ZMAT4: variants seen among roughly 807,000 people sequenced by gnomAD.
The protein encoded by ZMAT4 is zinc finger matrin-type 4.
Under a neutral mutation model 28.7 loss-of-function variants are expected in ZMAT4, and 17 were observed. The observed-to-expected ratio is 0.59, with a 90% CI of 0.41 to 0.89. The LOEUF (loss-of-function observed/expected upper bound fraction) is 0.89. Among genes scored for constraint, ZMAT4 ranks in the 40% least tolerant of loss-of-function variants. The probability of loss-of-function intolerance (pLI) is 0.00; values close to 1 mark genes in which losing one functional copy is unlikely to be tolerated. For synonymous variants in ZMAT4, 117 were observed against 109.2 expected, an observed-to-expected ratio of 1.07 and a Z score of -0.44; for missense variants, 240 against 283.8, an observed-to-expected ratio of 0.85 and a Z score of 1.11.
chr8:40,599,109 A>G (rs937862664), intron 5 of ZMAT4, among the ~76,000 whole-genome samples: 2 of 152,204 alleles, frequency 1.3e-5, no homozygotes, highest in African/African-American at 2.4e-5. Flanking sequence ...ATCTTAAGGT[A>G]CTACACATTC....
chr8:40,887,794 A>G (rs1818516754), intron 1 of ZMAT4, among the ~76,000 whole-genome samples: 1 of 152,104 alleles, frequency 6.6e-6, no homozygotes, highest in Non-Finnish European at 1.5e-5. Flanking sequence ...TCTCACAGCC[A>G]TGTTATTGCA....
At chr8:40,794,522 G>C (rs1814501373) in intron 2 of ZMAT4, among the ~76,000 whole-genome samples, 1 of 152,214 alleles carries the variant, frequency 6.6e-6, no homozygotes, top group Non-Finnish European at 1.5e-5. Flanking sequence ...TTCCGGGGGA[G>C]TTTACTTGGG....
chr8:40,882,054 C>T (rs79170587), intron 1 of ZMAT4, among the ~76,000 whole-genome samples: 4,110 of 152,196 alleles, frequency 0.027, 88 homozygotes, highest in Middle Eastern at 0.037. Flanking sequence ...GGAGGGAGGG[C>T]ATTTCTTTCC....
chr8:40,702,705 TGAG>T (rs1176523276), intron 3 of ZMAT4, among the ~76,000 whole-genome samples: 1 of 152,114 alleles, frequency 6.6e-6, no homozygotes, highest in African/African-American at 2.4e-5. Flanking sequence ...AATGGCAGAG[TGAG>T]GAGTTCGGTG....
intron 1 of ZMAT4, among the ~76,000 whole-genome samples, chr8:40,862,301 T>A (rs1288320170): frequency 1.3e-5 from 2 of 150,786 alleles, no homozygotes; most frequent in East Asian, 4.0e-4. Context: ...ACCATCATTC[T>A]CAGCAAATTA....
chr8:40,695,165 C>T (rs1038563514), intron 4 of ZMAT4, among the ~76,000 whole-genome samples: 1 of 152,216 alleles, frequency 6.6e-6, no homozygotes, highest in Non-Finnish European at 1.5e-5. Flanking sequence ...TGAAGGCGCT[C>T]GTGTACACAC....
intron 1 of ZMAT4, among the ~76,000 whole-genome samples, chr8:40,861,461 C>T (rs1024288255): frequency 1.2e-4 from 19 of 152,100 alleles, no homozygotes; most frequent in African/African-American, 4.1e-4. Flanking sequence ...GACCTAAAAC[C>T]ATAAAAACCC....
intron 2 of ZMAT4, among the ~76,000 whole-genome samples, chr8:40,798,876 A>C (rs1451809310): frequency 6.6e-6 from 1 of 151,158 alleles, no homozygotes; most frequent in South Asian, 2.1e-4. Flanking sequence ...CTCTACTCCA[A>C]GTTTTTGAAC....
At chr8:40,820,158 A>ATGTG (rs138729547) in intron 2 of ZMAT4, among the ~76,000 whole-genome samples, 59 of 147,344 alleles carry the variant, frequency 4.0e-4, no homozygotes, top group Middle Eastern at 3.5e-3. Flanking sequence ...ATATGCGAAT[A>ATGTG]TGTGTGTGTG....
In ZMAT4 at chr8:40,590,899, C is replaced by G. The variant is rs1194373039; in HGVS notation, c.578-9638G>C. 3.3e-5 allele frequency among the ~76,000 whole-genome samples: 5 copies of G among 152,068 alleles called. No homozygotes were observed. In the East Asian group the frequency reaches 9.7e-4, roughly 29 times the overall value. On this transcript the variant is annotated intron_variant, in intron 5 of 6. Transcript: ENST00000297737. ...TTAGGTTCCATCTCAATGAGTTCTACCTATTCCTCTAGGGATAGCAAATAT... is the reference window on the plus strand; with the variant it reads ...TTAGGTTCCATCTCAATGAGTTCTAGCTATTCCTCTAGGGATAGCAAATAT...
chr8:40,887,931 G>A (rs1453504172), intron 1 of ZMAT4, among the ~76,000 whole-genome samples: 2 of 152,084 alleles, frequency 1.3e-5, no homozygotes, highest in African/African-American at 4.8e-5. Context: ...TTCACGCCAG[G>A]TCTCAGCTCC....
intron 5 of ZMAT4, among the ~76,000 whole-genome samples, chr8:40,646,723 T>C (rs1302414250): frequency 6.6e-6 from 1 of 152,206 alleles, no homozygotes; most frequent in Admixed American, 6.5e-5. Context: ...TGATAGAATT[T>C]AAAGGAGAAA....
chr8:40,792,043 G>T (rs1211534681), intron 2 of ZMAT4, among the ~76,000 whole-genome samples: 1 of 152,090 alleles, frequency 6.6e-6, no homozygotes, highest in Non-Finnish European at 1.5e-5. Context: ...ACTAGCTATG[G>T]GGTTGAAACT....
At chr8:40,655,474 T>A (rs1484102319) in intron 5 of ZMAT4, among the ~76,000 whole-genome samples, 6 of 146,168 alleles carry the variant, frequency 4.1e-5, no homozygotes, top group Admixed American at 3.4e-4. Context: ...TATGAAAATT[T>A]AAAAAAACCC....
At chr8:40,651,181 T>C (rs971689178) in intron 5 of ZMAT4, among the ~76,000 whole-genome samples, 6 of 152,026 alleles carry the variant, frequency 3.9e-5, no homozygotes, top group East Asian at 3.9e-4. Flanking sequence ...GAAAACCCCA[T>C]TGTCTCAGCC....
intron 6 of ZMAT4, among the ~76,000 whole-genome samples, chr8:40,566,172 A>C (rs1393836054): frequency 6.6e-6 from 1 of 152,132 alleles, no homozygotes; most frequent in Non-Finnish European, 1.5e-5. Flanking sequence ...ACACTATCTC[A>C]CTGAAAACCT....
rs761999968 is a variant in ZMAT4, at chr8:40,845,874, G to C, written c.-4-20194C>G. Reference sequence around the variant, plus strand: ...CAATGATAGAGCCAAGCATCAATTAGGAGCGGCCCCAAAAGACAACAAGAT... The same window carrying C: ...CAATGATAGAGCCAAGCATCAATTACGAGCGGCCCCAAAAGACAACAAGAT... On this transcript the variant is annotated intron_variant, in intron 1 of 6. Coordinates refer to ENST00000297737, the MANE Select transcript of ZMAT4 (RefSeq NM_024645.3). 2.0e-5 allele frequency among the ~76,000 whole-genome samples: 3 copies of C among 152,052 alleles called. No homozygotes were observed. The South Asian group carries it at 6.2e-4, about 32-fold the overall frequency.
At chr8:40,769,170 G>A (rs1163802143) in intron 2 of ZMAT4, among the ~76,000 whole-genome samples, 1 of 152,140 alleles carries the variant, frequency 6.6e-6, no homozygotes, top group Non-Finnish European at 1.5e-5. Flanking sequence ...TAAAAGTACT[G>A]AAATGTGACT....
intron 2 of ZMAT4, among the ~76,000 whole-genome samples, chr8:40,780,056 AACC>A (rs1255823130): frequency 6.6e-6 from 1 of 151,906 alleles, no homozygotes. Flanking sequence ...TCCTCTTCCT[AACC>A]ACCTTCACAA....
Sources: gnomAD v4.1 joint callset for allele counts (sites outside exome capture counted in the v4.1 genomes callset) on GRCh38, gnomAD v4.1.1 for gene constraint, MANE v1.5 for transcripts, NCBI Gene and HGNC (gene_info 2026-07-23, HGNC 2026-07-21) for gene names.